The following MACROD2 variants were observed in gnomAD, a reference collection of about 807,000 sequenced individuals.
The protein encoded by MACROD2 is ADP-ribose glycohydrolase MACROD2.
MACROD2 carries 36 observed loss-of-function variants against 70.4 expected under a neutral mutation model. The observed-to-expected ratio is 0.51, with a 90% confidence interval of 0.39 to 0.68. The LOEUF is 0.68. Ranked by LOEUF, MACROD2 falls within the 30% of genes least tolerant of loss-of-function variation. MACROD2 has a pLI of 0.00. For synonymous variants in MACROD2, 172 were observed against 178.8 expected, an observed-to-expected ratio of 0.96 and a Z score of 0.30; for missense variants, 496 against 538.4, an observed-to-expected ratio of 0.92 and a Z score of 0.78.
chr20:14,307,957 A>G (rs1303729063), intron 3 of MACROD2, among the ~76,000 whole-genome samples: 1 of 152,124 alleles, frequency 6.6e-6, no homozygotes, highest in East Asian at 1.9e-4. Context: ...TGCAAAGCAA[A>G]CAATTTTGAC....
intron 3 of MACROD2, among the ~76,000 whole-genome samples, chr20:14,360,084 G>T (rs1298456748): frequency 2.0e-5 from 3 of 148,082 alleles, no homozygotes; most frequent in African/African-American, 7.5e-5. Flanking sequence ...TAGAATTGTG[G>T]TTACCGGTGG....
intron 7 of MACROD2, among the ~76,000 whole-genome samples, chr20:15,456,730 G>A (rs2046731652): frequency 6.6e-6 from 1 of 152,090 alleles, no homozygotes; most frequent in East Asian, 1.9e-4. Context: ...GAATCACCTG[G>A]AGAGCTTAAG....
intron 3 of MACROD2, among the ~76,000 whole-genome samples, chr20:14,260,331 G>A (rs1457504073): frequency 6.6e-6 from 1 of 152,158 alleles, no homozygotes; most frequent in African/African-American, 2.4e-5. Context: ...TAGTGTTAGT[G>A]GAGACTGTCA....
intron 8 of MACROD2, among the ~76,000 whole-genome samples, chr20:15,744,691 TATAC>T (rs1326709472): frequency 1.4e-5 from 1 of 72,724 alleles, no homozygotes. Context: ...AGAAACCAAG[TATAC>T]ACACACACAC....
intron 6 of MACROD2, among the ~76,000 whole-genome samples, chr20:15,232,365 T>C (rs1429830184): frequency 6.6e-6 from 1 of 152,088 alleles, no homozygotes; most frequent in Non-Finnish European, 1.5e-5. Context: ...TTTATATACA[T>C]GTCAAAAAGA....
intron 15 of MACROD2, among the ~76,000 whole-genome samples, chr20:16,023,986 G>A (rs2067041310): frequency 6.6e-6 from 1 of 152,202 alleles, no homozygotes; most frequent in South Asian, 2.1e-4. Context: ...TCAGAGTGCA[G>A]AGATACTGTC....
intron 5 of MACROD2, among the ~76,000 whole-genome samples, chr20:14,861,993 TTATATATATATTTA>T (rs2073325917): frequency 5.5e-5 from 2 of 36,516 alleles, no homozygotes; most frequent in Non-Finnish European, 1.1e-4. Flanking sequence ...ATATATATAT[TTATATATATATTTA>T]TATATATATA....
rs1568559330 is a variant in MACROD2 at position 14,327,325 on chromosome 20, G to C, written c.272-166154G>C. 1 of 1,613,814 alleles carries C rather than the reference G, an allele frequency of 6.2e-7. No homozygotes were observed. The highest frequency in any genetic ancestry group is 8.5e-7 in the Non-Finnish European group (1 of 1,179,770). On this transcript the variant is annotated intron_variant, in intron 3 of 17. Coordinates refer to ENST00000684519, the MANE Select transcript of MACROD2 (RefSeq NM_001351661.2). ...TTGGTTGTTCTGAAGGTAGAGAGTT[G>C]TAGCATCCTCTGGTATTCCTGTTGG...
At chr20:15,017,990 G>C (rs551455275) in intron 5 of MACROD2, among the ~76,000 whole-genome samples, 1 of 152,180 alleles carries the variant, frequency 6.6e-6, no homozygotes, top group African/African-American at 2.4e-5. Context: ...CATTTTCCTC[G>C]TGGTCTTGGG....
chr20:16,029,093 C>T (rs1292196705), intron 15 of MACROD2, among the ~76,000 whole-genome samples: 2 of 152,160 alleles, frequency 1.3e-5, no homozygotes, highest in Admixed American at 1.3e-4. Context: ...ACCGTGTCCT[C>T]GCATGGCAGA....
chr20:14,187,515 A>T (rs1601327036), intron 3 of MACROD2, among the ~76,000 whole-genome samples: 1 of 152,234 alleles, frequency 6.6e-6, no homozygotes, highest in Non-Finnish European at 1.5e-5. Context: ...GAATTGACAG[A>T]TACTATATCA....
At chr20:14,134,754 G>A (rs1018143886) in intron 3 of MACROD2, among the ~76,000 whole-genome samples, 5 of 133,474 alleles carry the variant, frequency 3.7e-5, no homozygotes, top group Non-Finnish European at 7.6e-5. Context: ...GCAGTGAGCC[G>A]AGATCGCGCT....
chr20:14,838,190 C>G (rs2073050856), intron 5 of MACROD2, among the ~76,000 whole-genome samples: 1 of 151,966 alleles, frequency 6.6e-6, no homozygotes, highest in African/African-American at 2.4e-5. Context: ...TCTCTTTTGT[C>G]AGGAACCATT....
chr20:15,241,393 T>C (rs186177892), intron 6 of MACROD2, among the ~76,000 whole-genome samples: 22 of 152,340 alleles, frequency 1.4e-4, no homozygotes, highest in Admixed American at 3.9e-4. Context: ...TTCATTATTA[T>C]TACATTCTTG....
intron 3 of MACROD2, among the ~76,000 whole-genome samples, chr20:14,433,513 TAGAG>T (rs1457223517): frequency 1.3e-5 from 2 of 152,152 alleles, no homozygotes; most frequent in African/African-American, 4.8e-5. Flanking sequence ...TACTTCAAGA[TAGAG>T]AGAACTGCAG....
chr20:15,493,830 T>A (rs2047261297), intron 7 of MACROD2, among the ~76,000 whole-genome samples: 1 of 152,232 alleles, frequency 6.6e-6, no homozygotes, highest in African/African-American at 2.4e-5. Context: ...TATTGCTATG[T>A]CTTTCTGTAG....
intron 3 of MACROD2, among the ~76,000 whole-genome samples, chr20:14,199,845 C>T (rs181399312): frequency 6.6e-6 from 1 of 152,220 alleles, no homozygotes; most frequent in Non-Finnish European, 1.5e-5. Flanking sequence ...AAATGAGATA[C>T]AGGGAAGGTA....
intron 5 of MACROD2, among the ~76,000 whole-genome samples, chr20:14,927,830 T>C (rs1470889842): frequency 1.3e-5 from 2 of 152,226 alleles, no homozygotes; most frequent in East Asian, 3.8e-4. Flanking sequence ...TATTACTATA[T>C]GTAAAAAACA....
intron 5 of MACROD2, among the ~76,000 whole-genome samples, chr20:15,056,400 G>A (rs1275434559): frequency 1.3e-5 from 2 of 152,142 alleles, no homozygotes; most frequent in Non-Finnish European, 2.9e-5. Context: ...CGAGACTCCT[G>A]TTAACTAGAC....
Sources: gnomAD v4.1 joint callset for allele counts (sites outside exome capture counted in the v4.1 genomes callset) on GRCh38, gnomAD v4.1.1 for gene constraint, MANE v1.5 for transcripts, NCBI Gene and HGNC (gene_info 2026-07-23, HGNC 2026-07-21) for gene names.